SVIL: variants seen among roughly 807,000 people sequenced by gnomAD.
The protein encoded by SVIL is archvillin.
SVIL carries 101 observed loss-of-function variants against 240.4 expected under a neutral mutation model. The observed-to-expected ratio is 0.42, with a 90% CI of 0.36 to 0.50. The LOEUF (loss-of-function observed/expected upper bound fraction) is 0.50, where lower values mean the gene tolerates loss of function less well. SVIL is among the 20% of genes least tolerant of loss of function. The pLI, the probability that SVIL is intolerant of heterozygous loss-of-function variation, is 0.01. For synonymous variants in SVIL, 999 were observed against 1,100.0 expected (o/e 0.91, Z 1.82); for missense variants, 2,512 against 2,818.7 (o/e 0.89, Z 2.46).
At chr10:29,601,652 C>T (rs1296390772) in intron 1 of SVIL, among the ~76,000 whole-genome samples, 2 of 152,212 alleles carry the variant, frequency 1.3e-5, no homozygotes, top group Non-Finnish European at 2.9e-5. Flanking sequence ...GAGTAAGAGC[C>T]TGGGCTCATC....
chr10:29,560,680 C>T (rs528129917), intron 3 of SVIL, among the ~76,000 whole-genome samples: 86 of 151,976 alleles, frequency 5.7e-4, no homozygotes, highest in African/African-American at 2.0e-3. Flanking sequence ...CATAATATTG[C>T]TAAGAGCTGA....
intron 6 of SVIL, among the ~76,000 whole-genome samples, chr10:29,542,423 T>C (rs1228028489): frequency 6.6e-6 from 1 of 152,202 alleles, no homozygotes; most frequent in East Asian, 1.9e-4. Flanking sequence ...TAACACCAAA[T>C]TCACAGTGCC....
At chr10:29,701,966 G>T (rs1962544332) in intron 1 of SVIL, among the ~76,000 whole-genome samples, 1 of 152,144 alleles carries the variant, frequency 6.6e-6, no homozygotes, top group Non-Finnish European at 1.5e-5. Context: ...CTGAGGTCAG[G>T]AGTTCGAGAC....
intron 1 of SVIL, among the ~76,000 whole-genome samples, chr10:29,625,060 C>T (rs1432635701): frequency 6.6e-6 from 1 of 151,634 alleles, no homozygotes; most frequent in Non-Finnish European, 1.5e-5. Flanking sequence ...CCAGGTGAAT[C>T]GTCTTAAAAA....
chr10:29,555,149 A>G (rs958763941), intron 3 of SVIL, 41 bp from the exon 4 acceptor site: 2 of 1,528,522 alleles, frequency 1.3e-6, no homozygotes, highest in Non-Finnish European at 1.8e-6. Flanking sequence ...AGTATTTAGT[A>G]GTCGTGCGCT....
rs1044129231 is a variant in SVIL at position 29,524,095 on chromosome 10, G to A, written c.2587-68C>T. ...ATCATCTATATAAATCCTGGTTTAT[G>A]AATTGACAGAAGCTGAAATACTCGA... On this transcript the variant is annotated intron_variant, in intron 14 of 37. Coordinates refer to ENST00000355867, the MANE Select transcript of SVIL (RefSeq NM_021738.3). The A allele has an allele frequency of 2.9e-6, 4 of 1,402,168 alleles. No homozygotes were observed. In the Admixed American group the frequency reaches 7.7e-5, roughly 27 times the overall value. 86.9% of individuals were successfully genotyped at this position (1,402,168 alleles called of 1,614,324 possible).
rs547574784 is a variant in SVIL at position 29,717,094 on chromosome 10, G to C, written c.-400+18657C>G. On this transcript the variant is annotated intron_variant, in intron 1 of 35. Transcript: ENST00000375400. Reference sequence around the variant, plus strand: ...TGCAAAAAACAAAAATTAGCCGGGCGTGGTGGGGGGCCCCTGTGGTCCCAG... The same window carrying C: ...TGCAAAAAACAAAAATTAGCCGGGCCTGGTGGGGGGCCCCTGTGGTCCCAG... Among the ~76,000 whole-genome samples the C allele has an allele frequency of 1.1e-4, 17 of 152,054 alleles. 1 individual carries two copies. Among genetic ancestry groups the C allele is most frequent in the African/African-American group, 4.1e-4 (17 of 41,508 alleles).
At chr10:29,729,175 C>T (rs1964457494) in intron 1 of SVIL, among the ~76,000 whole-genome samples, 1 of 152,078 alleles carries the variant, frequency 6.6e-6, no homozygotes, top group South Asian at 2.1e-4. Context: ...ATTTCTAACC[C>T]CAAGGACCAT....
Position 29,541,191 on chromosome 10 carries a change from A to C in SVIL, c.828-5122T>G, listed in dbSNP as rs115821810. On this transcript the variant is annotated intron_variant, in intron 6 of 37. Coordinates refer to ENST00000355867, the MANE Select transcript of SVIL (RefSeq NM_021738.3). ...GTCTTCCTAAATGTTACGCTTAATT[A>C]TTTTTGATAAATAAGGTTTGGTTAA... Among the ~76,000 whole-genome samples the C allele has an allele frequency of 6.0e-3, 909 of 152,300 alleles. 5 individuals are homozygous for C. The highest frequency in any genetic ancestry group is 0.021 in the African/African-American group (868 of 41,564).
At chr10:29,644,417 C>T (rs1414935424) in intron 3 of SVIL, among the ~76,000 whole-genome samples, 1 of 152,142 alleles carries the variant, frequency 6.6e-6, no homozygotes, top group Non-Finnish European at 1.5e-5. Context: ...GACCGAGAAA[C>T]CCCACATCCC....
chr10:29,583,155 A>G (rs889230560), intron 1 of SVIL, among the ~76,000 whole-genome samples: 5 of 152,258 alleles, frequency 3.3e-5, no homozygotes, highest in African/African-American at 1.2e-4. Flanking sequence ...AGTTTCAAAT[A>G]AAGTAATTTC....
chr10:29,669,542 G>A (rs1959600583), intron 2 of SVIL, among the ~76,000 whole-genome samples: 1 of 152,190 alleles, frequency 6.6e-6, no homozygotes, highest in African/African-American at 2.4e-5. Flanking sequence ...TTGCTCTGAG[G>A]AAAACAGACT....
At chr10:29,637,897 G>A (rs193082780), upstream of SVIL, among the ~76,000 whole-genome samples, 102 of 152,310 alleles carry the variant, frequency 6.7e-4, no homozygotes, top group South Asian at 0.012. Flanking sequence ...CACTTACATA[G>A]CATTTCCCAG....
chr10:29,554,427 C>T (rs957908816), intron 5 of SVIL, among the ~76,000 whole-genome samples: 5 of 152,108 alleles, frequency 3.3e-5, no homozygotes, highest in African/African-American at 9.7e-5. Flanking sequence ...GGGAGGATCA[C>T]TAAAAGCCAG....
chr10:29,636,650 G>T (rs917110380), upstream of SVIL, among the ~76,000 whole-genome samples: 1 of 152,052 alleles, frequency 6.6e-6, no homozygotes. Flanking sequence ...TATCTGCCTG[G>T]CTTAGAAGAC....
intron 7 of SVIL, among the ~76,000 whole-genome samples, chr10:29,534,911 T>C (rs542751944): frequency 1.3e-5 from 2 of 152,182 alleles, no homozygotes; most frequent in Non-Finnish European, 2.9e-5. Flanking sequence ...TTCCAACTAC[T>C]TGAGAATGGA....
At chr10:29,619,781 G>A (rs569506781) in intron 1 of SVIL, among the ~76,000 whole-genome samples, 1 of 152,282 alleles carries the variant, frequency 6.6e-6, no homozygotes, top group South Asian at 2.1e-4. Flanking sequence ...AATCAAACTC[G>A]ATTGTCATGT....
intron 16 of SVIL, among the ~76,000 whole-genome samples, chr10:29,513,352 C>T (rs1237441898): frequency 6.6e-6 from 1 of 152,144 alleles, no homozygotes; most frequent in Admixed American, 6.6e-5. Flanking sequence ...AGGTGGATCA[C>T]GAGGTCAGGA....
At chr10:29,555,152 C>T (rs535382133) in intron 3 of SVIL, 44 bp from the exon 4 acceptor site, 30 of 1,519,728 alleles carry the variant, frequency 2.0e-5, no homozygotes, top group African/African-American at 2.8e-5. Flanking sequence ...ATTTAGTAGT[C>T]GTGCGCTCAT....
Sources: gnomAD v4.1 joint callset for allele counts (sites outside exome capture counted in the v4.1 genomes callset) on GRCh38, gnomAD v4.1.1 for gene constraint, MANE v1.5 for transcripts, NCBI Gene and HGNC (gene_info 2026-07-23, HGNC 2026-07-21) for gene names.